ADAMTS17: variants seen among roughly 807,000 people sequenced by gnomAD.
ADAMTS17 encodes ADAM metallopeptidase with thrombospondin type 1 motif 17.
ADAMTS17 carries 113 observed loss-of-function variants against 141.5 expected under a neutral mutation model. The ratio of observed to expected loss-of-function variants is 0.80; its 90% CI spans 0.69 to 0.93. The LOEUF is 0.93. Among genes scored for constraint, ADAMTS17 ranks in the 40% least tolerant of loss-of-function variants. ADAMTS17 has a pLI of 0.00. For missense variants in ADAMTS17, 1,659 were observed against 1,517.9 expected, an observed-to-expected ratio of 1.09 and a Z score of -1.54; for synonymous variants, 768 against 630.6, an observed-to-expected ratio of 1.22 and a Z score of -3.27.
In ADAMTS17 at chr15:99,983,934, G is replaced by A. The variant is rs372658319; in HGVS notation, c.2950-7712C>T. Among the ~76,000 whole-genome samples, 60 of 152,272 alleles carry A rather than the reference G, an allele frequency of 3.9e-4. No homozygotes were observed. The South Asian group carries it at 9.5e-3, about 24-fold the overall frequency. Reference sequence around the variant, plus strand: ...AAGCATTTTGAGCAGGTTTCTCCCCGAGACTTGGCATGAGCGAGGAAAACC... The same window carrying A: ...AAGCATTTTGAGCAGGTTTCTCCCCAAGACTTGGCATGAGCGAGGAAAACC... On this transcript the variant is annotated intron_variant, in intron 20 of 21. Coordinates refer to ENST00000268070, the MANE Select transcript of ADAMTS17 (RefSeq NM_139057.4).
intron 3 of ADAMTS17, among the ~76,000 whole-genome samples, chr15:100,298,459 G>T (rs972910727): frequency 2.6e-5 from 4 of 152,124 alleles, no homozygotes; most frequent in African/African-American, 7.2e-5. Context: ...GAGGGAGGGA[G>T]AAACTCATCT....
intron 10 of ADAMTS17, among the ~76,000 whole-genome samples, chr15:100,143,848 AC>A (rs1215018150): frequency 6.6e-6 from 1 of 152,258 alleles, no homozygotes; most frequent in Non-Finnish European, 1.5e-5. Flanking sequence ...AAGGTTATTT[AC>A]CCACACCTTT....
chr15:100,282,449 TCCTATG>T (rs960263540), intron 3 of ADAMTS17, among the ~76,000 whole-genome samples: 5 of 152,348 alleles, frequency 3.3e-5, no homozygotes, highest in Admixed American at 3.3e-4. Context: ...CTATGTTACG[TCCTATG>T]CATACATACC....
chr15:100,298,222 A>G (rs2044893256), intron 3 of ADAMTS17, among the ~76,000 whole-genome samples: 1 of 152,168 alleles, frequency 6.6e-6, no homozygotes, highest in Non-Finnish European at 1.5e-5. Flanking sequence ...GAAATGAGAA[A>G]AAATTGAAAC....
chr15:100,136,057 C>T (rs2038314439), intron 10 of ADAMTS17, among the ~76,000 whole-genome samples: 1 of 152,124 alleles, frequency 6.6e-6, no homozygotes, highest in African/African-American at 2.4e-5. Flanking sequence ...ATTCTAATAC[C>T]CAGCAATTCG....
chr15:100,256,244 C>A (rs564896304), intron 6 of ADAMTS17, among the ~76,000 whole-genome samples: 6 of 152,306 alleles, frequency 3.9e-5, no homozygotes, highest in African/African-American at 1.4e-4. Flanking sequence ...CCATTGAAAC[C>A]CCAAGGTGCG....
intron 18 of ADAMTS17, among the ~76,000 whole-genome samples, chr15:100,029,731 C>T (rs553705292): frequency 1.3e-5 from 2 of 152,196 alleles, no homozygotes; most frequent in Admixed American, 6.5e-5. Context: ...AGGATTTTTG[C>T]ATCTGCTGTT....
intron 8 of ADAMTS17, among the ~76,000 whole-genome samples, chr15:100,174,391 G>C (rs1198024748): frequency 6.6e-6 from 1 of 150,464 alleles, no homozygotes; most frequent in Non-Finnish European, 1.5e-5. Context: ...TCACACTGCT[G>C]CTAGGTTACT....
At chr15:100,339,002 G>A (rs1361929294) in intron 2 of ADAMTS17, 1 of 985,406 alleles carries the variant, frequency 1.0e-6, no homozygotes, top group African/African-American at 1.7e-5. Context: ...TACGTACAGA[G>A]GGGGAAGTGT....
intron 7 of ADAMTS17, among the ~76,000 whole-genome samples, chr15:100,231,123 C>A (rs969947336): frequency 4.6e-5 from 7 of 152,216 alleles, no homozygotes; most frequent in Non-Finnish European, 7.3e-5. Context: ...ATAAATACTT[C>A]CATCAGGGAA....
intron 20 of ADAMTS17, among the ~76,000 whole-genome samples, chr15:99,986,278 G>C (rs974360093): frequency 1.3e-5 from 2 of 152,220 alleles, no homozygotes; most frequent in African/African-American, 4.8e-5. Flanking sequence ...TAAGGTCATG[G>C]AACTCAAGCC....
Position 100,341,231 on chromosome 15 carries a change from C to A in ADAMTS17, c.258G>T (p.Pro86=). Residue 86 remains proline (P), a synonymous_variant, in exon 2 of 22, where the codon CCG becomes CCT. Coordinates refer to ENST00000268070, the MANE Select transcript of ADAMTS17 (RefSeq NM_139057.4). ...PGERALLLHL[P]AFGRDLYLQL... is the part of the protein sequence containing the mutation. ...GAAGGTACAGGTCGCGCCCGAAGGC[C>A]GGCAGGTGCAGCAGCAGGGCGCGCT... The A allele has an allele frequency of 7.7e-6, 11 of 1,430,366 alleles. No individual in the cohort carries two copies. Among genetic ancestry groups the A allele is most frequent in the Non-Finnish European group, 1.0e-5 (11 of 1,091,860 alleles). 88.6% of individuals were successfully genotyped at this position (1,430,366 alleles called of 1,614,324 possible). A position where few individuals can be genotyped will look rare whatever the true frequency, so the allele number is the denominator to read the frequency against.
intron 20 of ADAMTS17, among the ~76,000 whole-genome samples, chr15:99,989,735 C>T (rs950240773): frequency 1.3e-5 from 2 of 152,140 alleles, no homozygotes; most frequent in African/African-American, 4.8e-5. Flanking sequence ...TATAAAAGGC[C>T]AGAAGCCCTA....
At chr15:100,299,277 C>T (rs374877811) in intron 3 of ADAMTS17, among the ~76,000 whole-genome samples, 1 of 151,392 alleles carries the variant, frequency 6.6e-6, no homozygotes, top group Admixed American at 6.6e-5. Context: ...CACCTTTGCA[C>T]GCCCGGACGT....
At chr15:100,109,646 G>A (rs1384124405) in intron 13 of ADAMTS17, among the ~76,000 whole-genome samples, 3 of 152,082 alleles carry the variant, frequency 2.0e-5, no homozygotes, top group African/African-American at 7.2e-5. Context: ...GAAACTGAGT[G>A]GGAGTAAGGT....
At chr15:99,978,178 A>G (rs1008327700) in intron 20 of ADAMTS17, among the ~76,000 whole-genome samples, 5 of 152,190 alleles carry the variant, frequency 3.3e-5, no homozygotes, top group African/African-American at 1.2e-4. Context: ...CTCCAGACAC[A>G]GGCTGCGTGG....
At chr15:100,091,459 C>T (rs2035465944) in intron 15 of ADAMTS17, among the ~76,000 whole-genome samples, 2 of 152,142 alleles carry the variant, frequency 1.3e-5, no homozygotes, top group Non-Finnish European at 2.9e-5. Flanking sequence ...AATGCCTTTG[C>T]CGTGGTTCCA....
At chr15:100,107,470 T>C (rs868754580) in intron 14 of ADAMTS17, among the ~76,000 whole-genome samples, 2 of 152,126 alleles carry the variant, frequency 1.3e-5, no homozygotes, top group African/African-American at 4.8e-5. Context: ...GGTCATAGGA[T>C]GACAGGAACG....
chr15:100,211,350 G>A (rs2041804924), intron 7 of ADAMTS17, among the ~76,000 whole-genome samples: 1 of 148,640 alleles, frequency 6.7e-6, no homozygotes, highest in African/African-American at 2.5e-5. Flanking sequence ...AATGCAAATT[G>A]CCTGACTTTT....
Sources: allele counts gnomAD v4.1 joint callset (sites outside exome capture counted in the v4.1 genomes callset), GRCh38; gene constraint gnomAD v4.1.1; transcripts MANE v1.5; gene names NCBI Gene and HGNC (gene_info 2026-07-23, HGNC 2026-07-21).